FBXW2: variants seen among roughly 807,000 people sequenced by gnomAD.
FBXW2 encodes F-box and WD repeat domain containing 2, also known as F-box/WD repeat-containing protein 2.
Under a neutral mutation model 46.0 loss-of-function variants are expected in FBXW2, and 12 were observed. The observed-to-expected ratio is 0.26, with a 90% CI of 0.17 to 0.42. The LOEUF (loss-of-function observed/expected upper bound fraction) is 0.42, where lower values mean the gene tolerates loss of function less well. FBXW2 is among the 10% of genes least tolerant of loss of function. FBXW2 has a pLI of 1.00. For missense variants in FBXW2, 360 were observed against 537.0 expected, an observed-to-expected ratio of 0.67 and a Z score of 3.26; for synonymous variants, 203 against 209.6, an observed-to-expected ratio of 0.97 and a Z score of 0.27.
rs1052040214 is a variant in FBXW2 at position 120,793,357 on chromosome 9, G to A, written c.-133C>T. ...CGGCCCCGCCTCGCATACAGACCCG[G>A]ACCTGCGGCCGCTGCTCCCGGTCCG... On this transcript the variant is annotated 5_prime_UTR_variant, in exon 1 of 8. Transcript: ENST00000608872. 2 of 403,096 alleles carry A rather than the reference G, an allele frequency of 5.0e-6. No homozygotes were observed. The highest frequency in any genetic ancestry group is 8.7e-6 in the Non-Finnish European group (2 of 228,794). 25.0% of individuals were successfully genotyped at this position (403,096 alleles called of 1,614,324 possible). A position where few individuals can be genotyped will look rare whatever the true frequency, so the allele number is the denominator to read the frequency against.
chr9:120,788,037 A>T lies in FBXW2; in HGVS notation c.222T>A (p.Pro74=). ...CGAGGCAGCATGTGAGTAAAGTCTG[A>T]GGATCGAGCCATTTTAACAAATAAA... ...LSFYLLKWLD[P]QTLLTCCLVS... Residue 74 remains proline (P), a synonymous_variant, in exon 3 of 8, where the codon CCT becomes CCA. Transcript: ENST00000608872. 6.2e-7 allele frequency: 1 copy of T among 1,614,188 alleles called. No homozygotes were observed.
chr9:120,790,462 C>A (rs2044814028), intron 2 of FBXW2, among the ~76,000 whole-genome samples: 1 of 151,822 alleles, frequency 6.6e-6, no homozygotes, highest in Non-Finnish European at 1.5e-5. Context: ...CCAGCCGGGG[C>A]GAGAGAGCAA....
At chr9:120,776,352 C>T (rs1026282307) in intron 4 of FBXW2, 126 bp from the exon 5 acceptor site, 5 of 1,027,060 alleles carry the variant, frequency 4.9e-6, no homozygotes, top group Non-Finnish European at 6.9e-6. Context: ...AAGAATGATG[C>T]TATTCAACTA....
At chr9:120,792,939 A>G in intron 2 of FBXW2, 2 of 1,532,682 alleles carry the variant, frequency 1.3e-6, no homozygotes, top group African/African-American at 1.4e-5. Context: ...TTTGTACTTC[A>G]TAAACCACCT....
In FBXW2 at chr9:120,759,872, T is replaced by C. The variant is rs1459931618; in HGVS notation, c.*4687A>G. The C allele has an allele frequency of 1.3e-5, 2 of 152,182 alleles. No individual in the cohort carries two copies. The highest frequency in any genetic ancestry group is 2.9e-5 in the Non-Finnish European group (2 of 68,042). The allele number at this position is 152,182 out of a possible 1,614,324, so 9.4% of individuals were successfully genotyped here. A position where few individuals can be genotyped will look rare whatever the true frequency, so the allele number is the denominator to read the frequency against. On this transcript the variant is annotated 3_prime_UTR_variant, in exon 8 of 8. Coordinates refer to ENST00000608872, the MANE Select transcript of FBXW2 (RefSeq NM_012164.4). ...GAAACATCCTAACAGCAAAACAGCT[T>C]TTTGCACTGAGCGTGACCATTCAGT...
At position 120,763,063 on chromosome 9, in the gene FBXW2, A is replaced by G. The variant is rs2044220679; in HGVS notation, c.*1496T>C. ...GGACATGTTTTGTTTGGCTCACCTT[A>G]TTTCAAATTTTCTTTAATCAGTTGT... On this transcript the variant is annotated 3_prime_UTR_variant, in exon 8 of 8. Transcript: ENST00000608872. 1 of 152,172 alleles carries G rather than the reference A, an allele frequency of 6.6e-6. No individual in the cohort carries two copies. Among genetic ancestry groups the G allele is most frequent in the Admixed American group, 6.5e-5 (1 of 15,270 alleles). The allele number at this position is 152,172 out of a possible 1,614,324, so 9.4% of individuals were successfully genotyped here. A position where few individuals can be genotyped will look rare whatever the true frequency, so the allele number is the denominator to read the frequency against.
intron 6 of FBXW2, among the ~76,000 whole-genome samples, chr9:120,772,007 A>G (rs1442800630): frequency 6.6e-6 from 1 of 150,594 alleles, no homozygotes; most frequent in African/African-American, 2.5e-5. Context: ...TGCAGTAAGC[A>G]AAGATTCTAC....
rs1256349353 is a variant in FBXW2, at chr9:120,776,096, G to A, written c.816C>T (p.Thr272=). 5 of 1,613,588 alleles carry A rather than the reference G, an allele frequency of 3.1e-6. No individual in the cohort carries two copies. The highest frequency in any genetic ancestry group is 3.4e-6 in the Non-Finnish European group (4 of 1,179,876). Residue 272 remains threonine, a synonymous_variant, in exon 5 of 8, where the codon ACC becomes ACT. Coordinates refer to ENST00000608872, the MANE Select transcript of FBXW2 (RefSeq NM_012164.4). ...GACTTCTTCCAAGTCTTCCTACCTT[G>A]GTGACCCATTCCGTGTGCCCGGTGA... is the stretch of plus-strand genomic sequence containing the variant. The part of the protein sequence containing the change: ...NTLTGHTEWV[T]KVVLQKCKVK...
chr9:120,778,139 G>A (rs1049033124), intron 4 of FBXW2, among the ~76,000 whole-genome samples: 3 of 151,418 alleles, frequency 2.0e-5, no homozygotes, highest in African/African-American at 7.3e-5. Flanking sequence ...CCACCAGAAG[G>A]GTACACACAT....
chr9:120,771,308 G>C (rs2044370189), intron 7 of FBXW2, 40 bp downstream of exon 7: 21 of 1,561,306 alleles, frequency 1.3e-5, no homozygotes, highest in Non-Finnish European at 1.8e-5. Context: ...AACTGCAGCA[G>C]GCTTTCAAAG....
At chr9:120,791,356 A>G (rs540932056) in intron 2 of FBXW2, among the ~76,000 whole-genome samples, 1 of 152,358 alleles carries the variant, frequency 6.6e-6, no homozygotes, top group African/African-American at 2.4e-5. Flanking sequence ...GCAGAATGTG[A>G]TAAATGAAAA....
Position 120,776,123 on chromosome 9 carries a change from T to G in FBXW2, c.789A>C (p.Thr263=), listed in dbSNP as rs1229326334. ...WALSAGTCLN[T]LTGHTEWVTK... ...TGACCCATTCCGTGTGCCCGGTGAG[T>G]GTGTTCAGGCATGTCCCAGCAGATA... Residue 263 remains threonine, a synonymous_variant, in exon 5 of 8, where the codon ACA becomes ACC. Coordinates refer to ENST00000608872, the MANE Select transcript of FBXW2 (RefSeq NM_012164.4). 2 of 1,613,970 alleles carry G rather than the reference T, an allele frequency of 1.2e-6. No individual in the cohort carries two copies. Among genetic ancestry groups the G allele is most frequent in the African/African-American group, 2.7e-5 (2 of 74,984 alleles).
intron 4 of FBXW2, among the ~76,000 whole-genome samples, chr9:120,777,343 T>C (rs991194031): frequency 2.6e-5 from 4 of 152,098 alleles, no homozygotes; most frequent in East Asian, 1.9e-4. Context: ...AAGCAAAAAA[T>C]ACGTGTTTTT....
At chr9:120,785,848 C>T (rs992058149) in intron 3 of FBXW2, among the ~76,000 whole-genome samples, 1 of 151,480 alleles carries the variant, frequency 6.6e-6, no homozygotes, top group Admixed American at 6.6e-5. Context: ...GGTGAAACTC[C>T]GCCTCTACTA....
intron 6 of FBXW2, among the ~76,000 whole-genome samples, chr9:120,772,323 T>C (rs547486809): frequency 6.6e-6 from 1 of 151,942 alleles, no homozygotes; most frequent in South Asian, 2.1e-4. Context: ...TGAACTCCCA[T>C]CTCTACTAAA....
chr9:120,787,632 T>C, intron 3 of FBXW2, 137 bp downstream of exon 3: 1 of 837,794 alleles, frequency 1.2e-6, no homozygotes, highest in East Asian at 2.7e-5. Context: ...GGGGAACCAC[T>C]CAGGATTAGA....
rs1006618852 is a variant in FBXW2, at chr9:120,793,371, G to C, written c.-147C>G. The C allele has an allele frequency of 2.5e-6, 1 of 400,482 alleles. No homozygotes were observed. Among genetic ancestry groups the C allele is most frequent in the African/African-American group, 2.1e-5 (1 of 48,744 alleles). The allele number at this position is 400,482 out of a possible 1,614,324, so 24.8% of individuals were successfully genotyped here. On this transcript the variant is annotated 5_prime_UTR_variant, in exon 1 of 8. Coordinates refer to ENST00000608872, the MANE Select transcript of FBXW2 (RefSeq NM_012164.4). ...ATACAGACCCGGACCTGCGGCCGCTGCTCCCGGTCCGCAGCCTCACAGGGG... is the reference window on the plus strand; with the variant it reads ...ATACAGACCCGGACCTGCGGCCGCTCCTCCCGGTCCGCAGCCTCACAGGGG...
chr9:120,790,516 C>G (rs983021843), intron 2 of FBXW2, among the ~76,000 whole-genome samples: 1 of 152,078 alleles, frequency 6.6e-6, no homozygotes, highest in Non-Finnish European at 1.5e-5. Flanking sequence ...AACCACACAC[C>G]TGCTCCTGAA....
chr9:120,757,548 T>A lies in FBXW2; in HGVS notation c.*7011A>T, dbSNP rs7042657. On this transcript the variant is annotated 3_prime_UTR_variant, in exon 8 of 8. Transcript: ENST00000608872. ...GGAAAATTACAAAATATTATGGTAGTTGTAAAAACCTAAAGCACATTTTTG... is the reference window on the plus strand; with the variant it reads ...GGAAAATTACAAAATATTATGGTAGATGTAAAAACCTAAAGCACATTTTTG... The A allele has an allele frequency of 6.6e-6, 1 of 152,154 alleles. No individual in the cohort carries two copies. Among genetic ancestry groups the A allele is most frequent in the Non-Finnish European group, 1.5e-5 (1 of 68,018 alleles). The allele number at this position is 152,154 out of a possible 1,614,324, so 9.4% of individuals were successfully genotyped here.
Sources: gnomAD v4.1 joint callset for allele counts (sites outside exome capture counted in the v4.1 genomes callset) on GRCh38, gnomAD v4.1.1 for gene constraint, MANE v1.5 for transcripts, NCBI Gene and HGNC (gene_info 2026-07-23, HGNC 2026-07-21) for gene names.